Variants in ADRA1A observed in about 807,000 individuals in gnomAD.
ADRA1A encodes the protein adrenoceptor alpha 1A.
ADRA1A carries 31 observed loss-of-function variants against 29.6 expected under a neutral mutation model. That is an observed-to-expected ratio of 1.05 (90% confidence interval 0.79 to 1.41). ADRA1A has a LOEUF of 1.41. Among genes scored for constraint, ADRA1A ranks in the 40% most tolerant of loss-of-function variants. The probability of loss-of-function intolerance (pLI) is 0.00; values close to 1 mark genes in which losing one functional copy is unlikely to be tolerated. For missense variants in ADRA1A, 619 were observed against 601.1 expected, an observed-to-expected ratio of 1.03 and a Z score of -0.31; for synonymous variants, 311 against 254.3, an observed-to-expected ratio of 1.22 and a Z score of -2.12.
At position 26,865,207 on chromosome 8, in the gene ADRA1A, G is replaced by A; in HGVS notation, c.-238C>T. On this transcript the variant is annotated 5_prime_UTR_variant, in exon 2 of 3. Coordinates refer to ENST00000380573, the MANE Select transcript of ADRA1A (RefSeq NM_000680.4). This position sits in a 1 kb window ranked among gnomAD's most constrained non-coding sequence, Gnocchi z 7.6. ...TTAAAGACATGGCCAGGGGCGCGCG[G>A]GGCTGCCGGGGACCCTCTCCACCTG... The A allele has an allele frequency of 1.5e-6, 2 of 1,359,798 alleles. No individual in the cohort carries two copies. The highest frequency in any genetic ancestry group is 9.5e-7 in the Non-Finnish European group (1 of 1,057,962). 84.2% of individuals were successfully genotyped at this position (1,359,798 alleles called of 1,614,324 possible).
intron 2 of ADRA1A, among the ~76,000 whole-genome samples, chr8:26,772,445 C>T (rs576667099): frequency 9.9e-5 from 15 of 152,274 alleles, no homozygotes; most frequent in South Asian, 6.2e-4. Flanking sequence ...TTTCCTTCTC[C>T]GCGGGCTTTT....
intron 2 of ADRA1A, among the ~76,000 whole-genome samples, chr8:26,856,240 A>T (rs926715878): frequency 8.5e-5 from 13 of 152,362 alleles, no homozygotes; most frequent in East Asian, 1.9e-4. Flanking sequence ...TTCCAGAACG[A>T]TGTGGCAGCT....
chr8:26,814,908 C>A (rs1216425324), intron 2 of ADRA1A, among the ~76,000 whole-genome samples: 1 of 152,122 alleles, frequency 6.6e-6, no homozygotes. Flanking sequence ...TCTTTTATCT[C>A]TTGAACTGAA....
At chr8:26,766,205 A>G (rs780327805), downstream of ADRA1A, 14 of 1,149,390 alleles carry the variant, frequency 1.2e-5, no homozygotes, top group Middle Eastern at 1.9e-4. Flanking sequence ...GTTATGTCGT[A>G]TTTGCTTTCA....
At chr8:26,776,412 G>A (rs1330630995) in intron 2 of ADRA1A, among the ~76,000 whole-genome samples, 1 of 152,204 alleles carries the variant, frequency 6.6e-6, no homozygotes, top group Non-Finnish European at 1.5e-5. Flanking sequence ...CTGGGCTATG[G>A]TAAACCCTAC....
At position 26,796,667 on chromosome 8, in the gene ADRA1A, G is replaced by T. The variant is rs1047108676; in HGVS notation, c.884-26001C>A. Reference sequence around the variant, plus strand: ...CAGTGGAGTGGAGGGTATTTTAAATGAAGGGGAATGATGCTAAAGGAGGGT... The same window carrying T: ...CAGTGGAGTGGAGGGTATTTTAAATTAAGGGGAATGATGCTAAAGGAGGGT... On this transcript the variant is annotated intron_variant, in intron 2 of 2. Coordinates refer to ENST00000380573, the MANE Select transcript of ADRA1A (RefSeq NM_000680.4). This position sits in a 1 kb window ranked among gnomAD's most constrained non-coding sequence, Gnocchi z 5.0. 6.6e-6 allele frequency among the ~76,000 whole-genome samples: 1 copy of T among 152,098 alleles called. No homozygotes were observed. The highest frequency in any genetic ancestry group is 1.5e-5 in the Non-Finnish European group (1 of 68,012).
downstream of ADRA1A, chr8:26,766,234 G>A (rs890829852): frequency 2.5e-5 from 24 of 950,434 alleles, no homozygotes; most frequent in Non-Finnish European, 3.4e-5. Flanking sequence ...TAAAAGGGAT[G>A]TACTTCCCAA....
chr8:26,853,106 T>A (rs1232469374), intron 2 of ADRA1A, among the ~76,000 whole-genome samples: 1 of 150,750 alleles, frequency 6.6e-6, no homozygotes, highest in African/African-American at 2.4e-5. Context: ...AAAATTCATT[T>A]TTATTGAATA....
At chr8:26,794,047 T>C (rs558636291) in intron 2 of ADRA1A, among the ~76,000 whole-genome samples, 58 of 152,034 alleles carry the variant, frequency 3.8e-4, no homozygotes, top group African/African-American at 1.2e-3. Flanking sequence ...GAAGTTGAAA[T>C]ACAATGAAAG....
intron 2 of ADRA1A, among the ~76,000 whole-genome samples, chr8:26,749,705 C>A (rs1432642806): frequency 6.6e-6 from 1 of 152,216 alleles, no homozygotes; most frequent in Non-Finnish European, 1.5e-5. Flanking sequence ...GAAGAAATTT[C>A]TGCCTTTGCT....
intron 2 of ADRA1A, among the ~76,000 whole-genome samples, chr8:26,797,921 G>A (rs768530645): frequency 3.3e-5 from 5 of 152,132 alleles, no homozygotes; most frequent in African/African-American, 4.8e-5. Context: ...GGTGTCTTCA[G>A]GTGGTCAAGG....
intron 2 of ADRA1A, among the ~76,000 whole-genome samples, chr8:26,811,383 G>A (rs1168407922): frequency 1.3e-5 from 2 of 152,052 alleles, no homozygotes; most frequent in South Asian, 2.1e-4. Context: ...TAGTGGAGAC[G>A]GGGTTTCACC....
chr8:26,811,845 CCTGA>C (rs1327658990), intron 2 of ADRA1A, among the ~76,000 whole-genome samples: 10 of 152,176 alleles, frequency 6.6e-5, no homozygotes, highest in Non-Finnish European at 1.5e-5. Context: ...ACTATTTGTG[CCTGA>C]CTTTGTTTAC....
intron 2 of ADRA1A, among the ~76,000 whole-genome samples, chr8:26,778,610 AG>A (rs1299803332): frequency 6.6e-6 from 1 of 152,182 alleles, no homozygotes; most frequent in Non-Finnish European, 1.5e-5. Context: ...AATACTATGC[AG>A]CCATAAAAAA....
intron 2 of ADRA1A, among the ~76,000 whole-genome samples, chr8:26,781,672 T>C (rs532535295): frequency 6.6e-6 from 1 of 152,288 alleles, no homozygotes; most frequent in East Asian, 1.9e-4. Flanking sequence ...ATAAAAACAT[T>C]TTATAGGGTC....
chr8:26,769,446 G>A lies in ADRA1A; in HGVS notation c.*703C>T, dbSNP rs1372383704. ...GGGAAAAGCCATACCACCCTGGTTG[G>A]TTCTTTCAACCCTCTCCTGACCCAA... On this transcript the variant is annotated 3_prime_UTR_variant, in exon 3 of 3. Coordinates refer to ENST00000380573, the MANE Select transcript of ADRA1A (RefSeq NM_000680.4). 3.0e-6 allele frequency: 3 copies of A among 985,262 alleles called. No individual in the cohort carries two copies. The highest frequency in any genetic ancestry group is 1.7e-5 in the African/African-American group (1 of 57,224). The allele number at this position is 985,262 out of a possible 1,614,324, so 61.0% of individuals were successfully genotyped here.
intron 2 of ADRA1A, among the ~76,000 whole-genome samples, chr8:26,853,302 A>T (rs1178808899): frequency 6.6e-6 from 1 of 152,196 alleles, no homozygotes; most frequent in Non-Finnish European, 1.5e-5. Flanking sequence ...TTTCCAGGAG[A>T]TGTTAGCAGA....
intron 2 of ADRA1A, among the ~76,000 whole-genome samples, chr8:26,837,083 A>G (rs1200982415): frequency 6.6e-6 from 1 of 152,126 alleles, no homozygotes; most frequent in Non-Finnish European, 1.5e-5. Flanking sequence ...TGATTACTAA[A>G]CAAAGGTAGA....
At chr8:26,811,088 G>A (rs932315889) in intron 2 of ADRA1A, among the ~76,000 whole-genome samples, 3 of 152,188 alleles carry the variant, frequency 2.0e-5, no homozygotes, top group African/African-American at 7.2e-5. Context: ...GATGAACCTT[G>A]GGTGCATTTC....
Sources: allele counts gnomAD v4.1 joint callset (sites outside exome capture counted in the v4.1 genomes callset), GRCh38; gene constraint gnomAD v4.1.1; non-coding constraint Gnocchi (gnomAD v3.1); transcripts MANE v1.5; gene names NCBI Gene and HGNC (gene_info 2026-07-23, HGNC 2026-07-21).